Variants in FOXP1 observed in about 807,000 individuals in gnomAD.
The protein encoded by FOXP1 is forkhead box P1.
In FOXP1, 15 loss-of-function variants were observed where a neutral mutation model predicts 98.2. The ratio of observed to expected loss-of-function variants is 0.15; its 90% CI spans 0.10 to 0.24. The LOEUF is 0.24. Ranked by LOEUF, FOXP1 falls within the 10% of genes least tolerant of loss-of-function variation. FOXP1 has a pLI of 1.00. For synonymous variants in FOXP1, 371 were observed against 314.5 expected (o/e 1.18, Z -1.90); for missense variants, 633 against 848.5 (o/e 0.75, Z 3.15).
chr3:71,079,071 G>A (rs945595349), intron 7 of FOXP1, among the ~76,000 whole-genome samples: 3 of 152,174 alleles, frequency 2.0e-5, no homozygotes, highest in Non-Finnish European at 4.4e-5. Flanking sequence ...TTTGTTTAAA[G>A]CATGTAGCCA....
intron 2 of FOXP1, among the ~76,000 whole-genome samples, chr3:71,507,327 C>T (rs2041898991): frequency 6.6e-6 from 1 of 151,948 alleles, no homozygotes; most frequent in Admixed American, 6.6e-5. Flanking sequence ...AACAGGAATG[C>T]ATGCTTTTAA....
intron 3 of FOXP1, among the ~76,000 whole-genome samples, chr3:71,433,974 T>C (rs894218114): frequency 6.6e-6 from 1 of 152,232 alleles, no homozygotes. Context: ...TCGTTTATCT[T>C]CATATGCCTC....
chr3:71,272,521 T>G (rs1195813341), intron 5 of FOXP1, among the ~76,000 whole-genome samples: 1 of 152,052 alleles, frequency 6.6e-6, no homozygotes, highest in Admixed American at 6.6e-5. Context: ...GAAGCTTCCA[T>G]GCCTGTGTCC....
At chr3:71,566,007 T>G (rs921627699) in intron 2 of FOXP1, among the ~76,000 whole-genome samples, 19 of 152,176 alleles carry the variant, frequency 1.2e-4, no homozygotes, top group Admixed American at 6.5e-5. Context: ...ACTTCCACAA[T>G]GGCCAAGGAA....
intron 5 of FOXP1, among the ~76,000 whole-genome samples, chr3:71,222,753 T>G (rs2065498551): frequency 6.6e-6 from 1 of 152,212 alleles, no homozygotes; most frequent in South Asian, 2.1e-4. Flanking sequence ...AAGGTCCCCT[T>G]GCCCTCCACA....
At position 71,187,759 on chromosome 3, in the gene FOXP1, T is replaced by A. The variant is rs182181995; in HGVS notation, c.180+10443A>T. 1.2e-3 allele frequency among the ~76,000 whole-genome samples: 176 copies of A among 152,282 alleles called. 2 individuals carry two copies. Among genetic ancestry groups the A allele is most frequent in the Admixed American group, 0.011 (173 of 15,300 alleles). ...TGCATTTTCACTTAATGCTTTTGGATGTTGAATTCCTACTGAGTTGAAATG... is the reference window on the plus strand; with the variant it reads ...TGCATTTTCACTTAATGCTTTTGGAAGTTGAATTCCTACTGAGTTGAAATG... On this transcript the variant is annotated intron_variant, in intron 6 of 20. Coordinates refer to ENST00000649528, the MANE Select transcript of FOXP1 (RefSeq NM_001349338.3).
intron 1 of FOXP1, chr3:71,583,358 CG>C (rs917440619): frequency 8.7e-5 from 68 of 777,762 alleles, no homozygotes; most frequent in Middle Eastern, 6.5e-4. Flanking sequence ...GGCCTCGACC[CG>C]GGGGGGAGAG....
At chr3:71,550,116 AAC>A (rs1022608836) in intron 2 of FOXP1, among the ~76,000 whole-genome samples, 5 of 152,190 alleles carry the variant, frequency 3.3e-5, no homozygotes, top group African/African-American at 1.2e-4. Flanking sequence ...CTCCAGCCCT[AAC>A]ACAGTTTATT....
intron 6 of FOXP1, among the ~76,000 whole-genome samples, chr3:71,149,796 T>C (rs1366833537): frequency 1.3e-5 from 2 of 152,190 alleles, no homozygotes; most frequent in African/African-American, 4.8e-5. Context: ...CATTCTTCTC[T>C]TTCATTCTCT....
intron 2 of FOXP1, among the ~76,000 whole-genome samples, chr3:71,533,167 C>T (rs542004664): frequency 2.6e-5 from 4 of 152,276 alleles, no homozygotes; most frequent in East Asian, 1.9e-4. Context: ...CATTTCACAA[C>T]TGTTAATTAG....
In FOXP1 at chr3:71,126,845, A is replaced by C. The variant is rs1163740108; in HGVS notation, c.181-14208T>G. 2.2e-5 allele frequency among the ~76,000 whole-genome samples: 3 copies of C among 137,312 alleles called. No homozygotes were observed. In the Admixed American group the frequency reaches 2.2e-4, roughly 10 times the overall value. The allele number at this position is 137,312 out of a possible 152,430, so 90.1% of individuals were successfully genotyped here. A position where few individuals can be genotyped will look rare whatever the true frequency, so the allele number is the denominator to read the frequency against. On this transcript the variant is annotated intron_variant, in intron 6 of 20. Transcript: ENST00000649528. Reference sequence around the variant, plus strand: ...TCTCAAAGAAAAAAACGAAACAAACAAACCAAAAAGAAAAAAAAAAACAAA... The same window carrying C: ...TCTCAAAGAAAAAAACGAAACAAACCAACCAAAAAGAAAAAAAAAAACAAA...
intron 6 of FOXP1, chr3:71,130,425 C>A: frequency 6.8e-7 from 1 of 1,471,814 alleles, no homozygotes; most frequent in Non-Finnish European, 9.3e-7. Context: ...CAGAGAATGT[C>A]TGCACAAGAA....
At chr3:71,142,972 C>A (rs1576001070) in intron 6 of FOXP1, among the ~76,000 whole-genome samples, 1 of 151,578 alleles carries the variant, frequency 6.6e-6, no homozygotes, top group East Asian at 2.0e-4. Flanking sequence ...AAGGGCAGGG[C>A]AGGGCAGGGC....
chr3:71,049,406 G>C (rs1468697443), intron 9 of FOXP1, among the ~76,000 whole-genome samples: 1 of 152,122 alleles, frequency 6.6e-6, no homozygotes, highest in Non-Finnish European at 1.5e-5. Context: ...ATATTCATGA[G>C]CAGTCACTTC....
chr3:71,092,666 T>C (rs2056002855), intron 7 of FOXP1, among the ~76,000 whole-genome samples: 1 of 151,906 alleles, frequency 6.6e-6, no homozygotes, highest in Admixed American at 6.6e-5. Context: ...TAAAAATAAT[T>C]GTCAGTTTTC....
intron 7 of FOXP1, among the ~76,000 whole-genome samples, chr3:71,060,678 TG>T (rs2051351725): frequency 6.6e-6 from 1 of 152,192 alleles, no homozygotes. Flanking sequence ...CAAATAGAAT[TG>T]GGAAGTACAA....
chr3:71,156,489 A>G (rs1222480634), intron 6 of FOXP1, among the ~76,000 whole-genome samples: 1 of 142,624 alleles, frequency 7.0e-6, no homozygotes, highest in Admixed American at 7.0e-5. Context: ...AAAATGAAAG[A>G]ATTTAAATGA....
chr3:71,150,126 T>C (rs140771411), intron 6 of FOXP1, among the ~76,000 whole-genome samples: 6 of 152,350 alleles, frequency 3.9e-5, no homozygotes, highest in African/African-American at 1.4e-4. Flanking sequence ...CAGACTATTC[T>C]TCCTTCTTTT....
chr3:70,975,888 C>G (rs2037391662), intron 17 of FOXP1, among the ~76,000 whole-genome samples: 1 of 152,116 alleles, frequency 6.6e-6, no homozygotes, highest in African/African-American at 2.4e-5. Flanking sequence ...AGCTGCTGAC[C>G]TGGGAATGAG....
Sources: gnomAD v4.1 joint callset for allele counts (sites outside exome capture counted in the v4.1 genomes callset) on GRCh38, gnomAD v4.1.1 for gene constraint, MANE v1.5 for transcripts, NCBI Gene and HGNC (gene_info 2026-07-23, HGNC 2026-07-21) for gene names.